PPA2: variants seen among roughly 807,000 people sequenced by gnomAD.
The protein encoded by PPA2 is inorganic pyrophosphatase 2, mitochondrial.
In PPA2, 48 loss-of-function variants were observed where a neutral mutation model predicts 49.5. That is an observed-to-expected ratio of 0.97 (90% confidence interval 0.77 to 1.23). The LOEUF is 1.23. PPA2 is among the 50% of genes most tolerant of loss of function. The pLI, the probability that PPA2 is intolerant of heterozygous loss-of-function variation, is 0.00. For missense variants in PPA2, 429 were observed against 410.1 expected (o/e 1.05, Z -0.40); for synonymous variants, 131 against 139.9 (o/e 0.94, Z 0.45).
In PPA2 at chr4:105,396,327, GC is replaced by G; in HGVS notation, c.790del (p.Ala264LeufsTer17). The G allele has an allele frequency of 6.3e-7, 1 of 1,589,228 alleles. No homozygotes were observed. Among genetic ancestry groups the G allele is most frequent in the Non-Finnish European group, 8.6e-7 (1 of 1,168,782 alleles). ...ATGAGTGGATTTAATAACTTCAAGA[GC>G]AAAAGCCTAGCTCCAAACAAACAAA... The part of the protein sequence containing the change: ...FNGEFKNKAF[A>X]LEVIKSTHQC... On this transcript the variant is annotated frameshift_variant, in exon 9 of 12. Coordinates refer to ENST00000341695, the MANE Select transcript of PPA2 (RefSeq NM_176869.3). LOFTEE classifies it high-confidence loss of function.
intron 4 of PPA2, 56 bp from the exon 5 acceptor site, chr4:105,446,558 T>A: frequency 6.5e-7 from 1 of 1,535,058 alleles, no homozygotes; most frequent in Non-Finnish European, 8.8e-7. Flanking sequence ...ATTAATTCTA[T>A]GTCCAAATAG....
chr4:105,433,251 T>C (rs1360907581), intron 6 of PPA2, among the ~76,000 whole-genome samples: 1 of 152,144 alleles, frequency 6.6e-6, no homozygotes, highest in Non-Finnish European at 1.5e-5. Flanking sequence ...TTTCCTACAG[T>C]GATCTAATTC....
chr4:105,468,559 T>C (rs1013203760), intron 1 of PPA2, among the ~76,000 whole-genome samples: 11 of 152,296 alleles, frequency 7.2e-5, no homozygotes, highest in African/African-American at 2.6e-4. Context: ...GGTAGAACAG[T>C]AGCGATGAAA....
Position 105,424,236 on chromosome 4 carries a change from A to C in PPA2, c.615T>G (p.Ile205Met). 1.2e-6 allele frequency: 2 copies of C among 1,609,712 alleles called. No individual in the cohort carries two copies. The highest frequency in any genetic ancestry group is 2.2e-5 in the South Asian group (2 of 89,792). ...CTTCAGGATCATTCGCATTGATAGCAATTAATTTCCAATCTGTTTCACCTT... is the reference window on the plus strand; with the variant it reads ...CTTCAGGATCATTCGCATTGATAGCCATTAATTTCCAATCTGTTTCACCTT... ...IDEGETDWKL[I>M]AINANDPEAS... Residue 205 changes from isoleucine to methionine, a missense_variant, in exon 7 of 12, where the codon ATT becomes ATG. Transcript: ENST00000341695.
chr4:105,429,087 T>A (rs1723674947), intron 6 of PPA2, among the ~76,000 whole-genome samples: 1 of 152,174 alleles, frequency 6.6e-6, no homozygotes, highest in South Asian at 2.1e-4. Context: ...CTGCTCTAAA[T>A]CTACAAAGGG....
At chr4:105,439,661 CA>C (rs1724243404) in intron 5 of PPA2, among the ~76,000 whole-genome samples, 2 of 151,878 alleles carry the variant, frequency 1.3e-5, no homozygotes, top group South Asian at 4.2e-4. Flanking sequence ...TAATAAATGG[CA>C]TGGCATTTGT....
Position 105,427,395 on chromosome 4 carries a change from C to T in PPA2, c.529-3073G>A, listed in dbSNP as rs182073876. ...GCTTCAGAAGGTCGATAATAACAAA[C>T]TTCTCCGAGCTAGAGGAGCACGTTC... is the stretch of plus-strand genomic sequence containing the variant. On this transcript the variant is annotated intron_variant, in intron 6 of 11. Coordinates refer to ENST00000341695, the MANE Select transcript of PPA2 (RefSeq NM_176869.3). 3.5e-3 allele frequency among the ~76,000 whole-genome samples: 530 copies of T among 152,182 alleles called. 4 individuals are homozygous for T. The highest frequency in any genetic ancestry group is 6.8e-3 in the Middle Eastern group (2 of 294).
At chr4:105,456,795 C>T in intron 1 of PPA2, 50 bp from the exon 2 acceptor site, 1 of 1,441,872 alleles carries the variant, frequency 6.9e-7, no homozygotes, top group South Asian at 1.2e-5. Context: ...GCAATAGACA[C>T]ATTGTTCTAT....
At position 105,396,236 on chromosome 4, in the gene PPA2, G is replaced by C; in HGVS notation, c.869+13C>G. 1 of 1,507,476 alleles carries C rather than the reference G, an allele frequency of 6.6e-7. No individual in the cohort carries two copies. The highest frequency in any genetic ancestry group is 9.0e-7 in the Non-Finnish European group (1 of 1,105,898). 93.4% of individuals were successfully genotyped at this position (1,507,476 alleles called of 1,614,324 possible). A position where few individuals can be genotyped will look rare whatever the true frequency, so the allele number is the denominator to read the frequency against. ...AATATAACATTACTTACATAGAAAA[G>C]ACAAATTCTTACCAATTTATAGCTC... On this transcript the variant is annotated intron_variant, in intron 9 of 11. Coordinates refer to ENST00000341695, the MANE Select transcript of PPA2 (RefSeq NM_176869.3).
rs769821441 is a variant in PPA2 at position 105,446,382 on chromosome 4, C to G, written c.441+1G>C. On this transcript the variant is annotated splice_donor_variant, in intron 5 of 11. Transcript: ENST00000341695. LOFTEE classifies it high-confidence loss of function. The stretch of plus-strand genomic sequence containing the variant: ...TTTTACCATTGTAACAAAAATGTTA[C>G]CTGAGGGAGGGTACCATAATTCCAT... The G allele has an allele frequency of 4.5e-6, 7 of 1,547,724 alleles. No homozygotes were observed. The highest frequency in any genetic ancestry group is 2.8e-5 in the African/African-American group (2 of 71,956).
chr4:105,378,690 T>A (rs139430907), intron 10 of PPA2, among the ~76,000 whole-genome samples: 1 of 152,124 alleles, frequency 6.6e-6, no homozygotes, highest in Admixed American at 6.6e-5. Flanking sequence ...TTAAGTTTTG[T>A]GCCTTAAATT....
In PPA2 at chr4:105,473,450, C is replaced by G. The variant is rs376517186; in HGVS notation, c.157+444G>C. On this transcript the variant is annotated intron_variant, in intron 1 of 11. Transcript: ENST00000341695. ...CCTGCCTCTCCGACGTCAGGGAGCT[C>G]CCGCAGTAGGAGGTTTCTTACGCCT... The G allele has an allele frequency of 9.4e-4, 360 of 380,956 alleles. 1 individual carries two copies. In the Middle Eastern group the frequency reaches 0.018, roughly 19 times the overall value. The allele number at this position is 380,956 out of a possible 1,614,324, so 23.6% of individuals were successfully genotyped here.
chr4:105,423,577 C>T (rs1045849270), intron 7 of PPA2, among the ~76,000 whole-genome samples: 1 of 152,128 alleles, frequency 6.6e-6, no homozygotes, highest in Non-Finnish European at 1.5e-5. Context: ...GAATGATCTA[C>T]CCAAAGTCAC....
rs954371713 is a variant in PPA2, at chr4:105,456,585, C to T, written c.222+96G>A. On this transcript the variant is annotated intron_variant, in intron 2 of 11. Transcript: ENST00000341695. ...AACTCCTGTTTGTCCTCCTGACTTC[C>T]AACAACACTTTTTCCTTTCAAGGTG... The T allele has an allele frequency of 8.8e-6, 9 of 1,027,468 alleles. No homozygotes were observed. In the African/African-American group the frequency reaches 1.5e-4, roughly 17 times the overall value. 63.6% of individuals were successfully genotyped at this position (1,027,468 alleles called of 1,614,324 possible). A position where few individuals can be genotyped will look rare whatever the true frequency, so the allele number is the denominator to read the frequency against.
chr4:105,410,430 A>G (rs774716158), intron 7 of PPA2, among the ~76,000 whole-genome samples: 4 of 152,266 alleles, frequency 2.6e-5, no homozygotes, highest in Admixed American at 6.5e-5. Context: ...GACCAAATCT[A>G]CGTTTGATTA....
chr4:105,388,562 C>T (rs1255479636), intron 9 of PPA2, among the ~76,000 whole-genome samples: 4 of 152,062 alleles, frequency 2.6e-5, no homozygotes, highest in Non-Finnish European at 5.9e-5. Flanking sequence ...CAGTGGCTCA[C>T]GCCAGTAATC....
chr4:105,437,223 T>TGG lies in PPA2; in HGVS notation c.528+726_528+727insCC, dbSNP rs1724101228. On this transcript the variant is annotated intron_variant, in intron 6 of 11. Transcript: ENST00000341695. ...TCACTAATCATCAGAGAAATACAAATTTAAACCACATTGAAAGTTTTTATG... is the reference window on the plus strand; with the variant it reads ...TCACTAATCATCAGAGAAATACAAATGGTTAAACCACATTGAAAGTTTTTATG... Among the ~76,000 whole-genome samples, 5 of 150,998 alleles carry TGG rather than the reference T, an allele frequency of 3.3e-5. No individual in the cohort carries two copies. The Admixed American group carries it at 3.3e-4, about 10-fold the overall frequency.
chr4:105,466,972 C>A (rs1723331264), intron 1 of PPA2, among the ~76,000 whole-genome samples: 2 of 152,216 alleles, frequency 1.3e-5, no homozygotes, highest in African/African-American at 4.8e-5. Flanking sequence ...CCCACTCACC[C>A]AGTTCCTGAG....
At chr4:105,469,869 G>T (rs1354857017) in intron 1 of PPA2, among the ~76,000 whole-genome samples, 1 of 152,166 alleles carries the variant, frequency 6.6e-6, no homozygotes, top group African/African-American at 2.4e-5. Flanking sequence ...TTATTCACGG[G>T]AAGTTCTCTT....
Sources: allele counts gnomAD v4.1 joint callset (sites outside exome capture counted in the v4.1 genomes callset), GRCh38; gene constraint gnomAD v4.1.1; transcripts MANE v1.5; gene names NCBI Gene and HGNC (gene_info 2026-07-23, HGNC 2026-07-21).